Variants in STIM1 observed in about 807,000 individuals in gnomAD.
STIM1 encodes the protein stromal interaction molecule 1.
A neutral mutation model predicts 74.7 loss-of-function variants in STIM1; 25 were observed. The observed-to-expected ratio is 0.33, with a 90% CI of 0.24 to 0.47. STIM1 has a LOEUF of 0.47. Among genes scored for constraint, STIM1 ranks in the 20% least tolerant of loss-of-function variants. The probability of loss-of-function intolerance (pLI) is 1.00; values close to 1 mark genes in which losing one functional copy is unlikely to be tolerated. For synonymous variants in STIM1, 328 were observed against 348.8 expected (o/e 0.94, Z 0.66); for missense variants, 728 against 920.8 (o/e 0.79, Z 2.71).
intron 2 of STIM1, among the ~76,000 whole-genome samples, chr11:3,976,917 C>T (rs895918393): frequency 7.9e-5 from 12 of 152,120 alleles, no homozygotes; most frequent in African/African-American, 2.9e-4. Context: ...GCATCAGCCT[C>T]CCTAGTAGCT....
chr11:4,070,213 G>A lies in STIM1; in HGVS notation c.791+10G>A, dbSNP rs775382939. On this transcript the variant is annotated intron_variant, in intron 6 of 12. Coordinates refer to ENST00000526596, the MANE Select transcript of STIM1 (RefSeq NM_001382567.1). ...ATGACCTTCAGGAAAGGTAAGGCCTGCCCCTTCAGGAAAGGTGAGGCCCTG... is the reference window on the plus strand; with the variant it reads ...ATGACCTTCAGGAAAGGTAAGGCCTACCCCTTCAGGAAAGGTGAGGCCCTG... 2 of 1,613,544 alleles carry A rather than the reference G, an allele frequency of 1.2e-6. No individual in the cohort carries two copies. The highest frequency in any genetic ancestry group is 2.2e-5 in the East Asian group (1 of 44,872).
At chr11:3,872,357 T>G (rs1419059597) in intron 1 of STIM1, among the ~76,000 whole-genome samples, 2 of 152,102 alleles carry the variant, frequency 1.3e-5, no homozygotes, top group African/African-American at 4.8e-5. Flanking sequence ...CCGGCCTTGT[T>G]TTCTAACTCT....
chr11:3,899,416 G>A (rs1487994271), intron 1 of STIM1, among the ~76,000 whole-genome samples: 1 of 152,288 alleles, frequency 6.6e-6, no homozygotes, highest in East Asian at 1.9e-4. Flanking sequence ...GAGATTTTGG[G>A]CTGAGACAAT....
chr11:3,973,492 G>A (rs533387831), intron 2 of STIM1: 566 of 226,486 alleles, frequency 2.5e-3, no homozygotes, highest in African/African-American at 0.012. Flanking sequence ...TTGGACCTCC[G>A]GGGCTCAAGT....
intron 1 of STIM1, among the ~76,000 whole-genome samples, chr11:3,916,290 T>TAC (rs1230034432): frequency 6.6e-6 from 1 of 151,486 alleles, no homozygotes; most frequent in African/African-American, 2.4e-5. Flanking sequence ...CAGTAATGTT[T>TAC]TTTTTTTTTT....
At chr11:3,889,710 C>T (rs2091840020) in intron 1 of STIM1, among the ~76,000 whole-genome samples, 1 of 152,052 alleles carries the variant, frequency 6.6e-6, no homozygotes, top group Non-Finnish European at 1.5e-5. Flanking sequence ...TTTTGAGGGT[C>T]TGGCCTCTAG....
intron 1 of STIM1, among the ~76,000 whole-genome samples, chr11:3,895,612 T>TTCTCTCTCTTTC (rs71047184): frequency 3.1e-5 from 1 of 32,324 alleles, no homozygotes; most frequent in East Asian, 1.1e-3. Flanking sequence ...TTCTCTCTCT[T>TTCTCTCTCTTTC]TCTTTCTTTC....
chr11:3,889,315 T>C (rs1476805795), intron 1 of STIM1, among the ~76,000 whole-genome samples: 1 of 151,788 alleles, frequency 6.6e-6, no homozygotes, highest in Non-Finnish European at 1.5e-5. Context: ...CTAGCAGTCA[T>C]TGAATGCCTA....
chr11:4,024,550 T>G (rs2093983549), intron 3 of STIM1, among the ~76,000 whole-genome samples: 1 of 152,258 alleles, frequency 6.6e-6, no homozygotes, highest in South Asian at 2.1e-4. Context: ...CTTGATTTCC[T>G]GCCTATAAGC....
At chr11:3,892,867 G>C in intron 1 of STIM1, 4 of 1,594,926 alleles carry the variant, frequency 2.5e-6, no homozygotes, top group Non-Finnish European at 3.4e-6. Flanking sequence ...CAATGTCGAA[G>C]AACACGGTGG....
intron 1 of STIM1, among the ~76,000 whole-genome samples, chr11:3,866,125 C>T (rs1323931653): frequency 2.0e-5 from 3 of 152,180 alleles, no homozygotes; most frequent in Non-Finnish European, 2.9e-5. Context: ...CTTCATCTCC[C>T]TCTGTTCCCC....
intron 1 of STIM1, among the ~76,000 whole-genome samples, chr11:3,927,809 C>G (rs2092807065): frequency 6.6e-6 from 1 of 152,154 alleles, no homozygotes; most frequent in Non-Finnish European, 1.5e-5. Flanking sequence ...CTGAGTTACT[C>G]TTTTGATAAG....
intron 2 of STIM1, among the ~76,000 whole-genome samples, chr11:3,994,077 A>G (rs995159019): frequency 6.6e-6 from 1 of 151,978 alleles, no homozygotes; most frequent in Non-Finnish European, 1.5e-5. Flanking sequence ...GAATTTTCTC[A>G]GTGTTTGTTT....
At chr11:3,993,792 G>GGAATGA (rs1332525944) in intron 2 of STIM1, among the ~76,000 whole-genome samples, 2 of 152,134 alleles carry the variant, frequency 1.3e-5, no homozygotes, top group Admixed American at 1.3e-4. Flanking sequence ...CTGGCACCCA[G>GGAATGA]ATCTTCATTA....
intron 1 of STIM1, among the ~76,000 whole-genome samples, chr11:3,871,313 G>C (rs1168519477): frequency 6.6e-6 from 1 of 152,200 alleles, no homozygotes; most frequent in Non-Finnish European, 1.5e-5. Context: ...CTAGACTAGG[G>C]TAAGTCCTGG....
chr11:4,057,065 A>G (rs1398758222), intron 4 of STIM1, among the ~76,000 whole-genome samples: 3 of 152,190 alleles, frequency 2.0e-5, no homozygotes, highest in Admixed American at 6.5e-5. Context: ...TGGTGGGCCC[A>G]GAGGACAAAG....
At chr11:3,985,274 A>G (rs1417978585) in intron 2 of STIM1, among the ~76,000 whole-genome samples, 2 of 152,140 alleles carry the variant, frequency 1.3e-5, no homozygotes, top group Non-Finnish European at 2.9e-5. Flanking sequence ...GGGATGAGAT[A>G]TATTTGTAAG....
intron 1 of STIM1, among the ~76,000 whole-genome samples, chr11:3,885,349 A>G (rs1051104892): frequency 4.6e-5 from 7 of 151,556 alleles, no homozygotes; most frequent in African/African-American, 1.7e-4. Flanking sequence ...CAATTTTTGT[A>G]TTATTATTAT....
At chr11:4,070,318 C>T in intron 6 of STIM1, 115 bp downstream of exon 6, 3 of 1,183,090 alleles carry the variant, frequency 2.5e-6, no homozygotes, top group Non-Finnish European at 3.7e-6. Context: ...GCAGCCCAGG[C>T]TGCATCATCC....
Sources: allele counts gnomAD v4.1 joint callset (sites outside exome capture counted in the v4.1 genomes callset), GRCh38; gene constraint gnomAD v4.1.1; transcripts MANE v1.5; gene names NCBI Gene and HGNC (gene_info 2026-07-23, HGNC 2026-07-21).